CYP2C19: variants seen among roughly 807,000 people sequenced by gnomAD.
CYP2C19 encodes the protein cytochrome P450 2C19.
In CYP2C19, 59 loss-of-function variants were observed where a neutral mutation model predicts 40.9. That is an observed-to-expected ratio of 1.44 (90% CI 1.17 to 1.79). CYP2C19 has a LOEUF of 1.79. CYP2C19 is among the 40% of genes most tolerant of loss of function. The pLI, the probability that CYP2C19 is intolerant of heterozygous loss-of-function variation, is 0.00. For synonymous variants in CYP2C19, 253 were observed against 208.7 expected (o/e 1.21, Z -1.83); for missense variants, 754 against 596.9 (o/e 1.26, Z -2.74).
At position 94,808,437 on chromosome 10, in the gene CYP2C19, C is replaced by T. The variant is rs563034612; in HGVS notation, c.820-12059C>T. On this transcript the variant is annotated intron_variant, in intron 5 of 8. Transcript: ENST00000371321. ...ATTTATCCTTTATGTTACAGACAATCGAATTATACTCTTTAAGTTATTTAA... is the reference window on the plus strand; with the variant it reads ...ATTTATCCTTTATGTTACAGACAATTGAATTATACTCTTTAAGTTATTTAA... Among the ~76,000 whole-genome samples the T allele has an allele frequency of 9.2e-5, 14 of 152,178 alleles. No homozygotes were observed. The South Asian group carries it at 1.2e-3, about 14-fold the overall frequency.
intron 5 of CYP2C19, among the ~76,000 whole-genome samples, chr10:94,785,595 A>G (rs1289790338): frequency 1.3e-5 from 2 of 152,138 alleles, no homozygotes; most frequent in Non-Finnish European, 2.9e-5. Context: ...GAAACTGAGA[A>G]CTCACTGATA....
intron 3 of CYP2C19, chr10:94,775,937 C>A (rs908971214): frequency 4.5e-5 from 11 of 243,798 alleles, no homozygotes; most frequent in African/African-American, 2.3e-4. Context: ...CCCTATCACA[C>A]CCCTAGGGAG....
intron 6 of CYP2C19, among the ~76,000 whole-genome samples, chr10:94,822,390 C>T (rs2134270070): frequency 6.6e-6 from 1 of 152,192 alleles, no homozygotes; most frequent in Middle Eastern, 3.4e-3. Context: ...TTATGGGAGC[C>T]AAAGTCCAAG....
intron 4 of CYP2C19, 106 bp downstream of exon 4, chr10:94,780,765 C>G (rs1848469253): frequency 4.0e-6 from 5 of 1,263,552 alleles, no homozygotes; most frequent in African/African-American, 1.5e-5. Context: ...TTGAATACTA[C>G]AGTCTTGCCT....
intron 5 of CYP2C19, among the ~76,000 whole-genome samples, chr10:94,800,124 C>A (rs1848743784): frequency 6.6e-6 from 1 of 152,198 alleles, no homozygotes; most frequent in Non-Finnish European, 1.5e-5. Context: ...TCTGGTCTCT[C>A]CCCATCTTTG....
At chr10:94,790,796 T>C (rs1223611046) in intron 5 of CYP2C19, among the ~76,000 whole-genome samples, 1 of 152,184 alleles carries the variant, frequency 6.6e-6, no homozygotes, top group South Asian at 2.1e-4. Context: ...GATTTTTGCA[T>C]CGATGTTCAT....
chr10:94,774,225 G>C (rs888702051), intron 1 of CYP2C19: 1 of 152,072 alleles, frequency 6.6e-6, no homozygotes. Context: ...TAGTCCATGG[G>C]TAATTATTAG....
At chr10:94,786,554 AG>A (rs1222838501) in intron 5 of CYP2C19, among the ~76,000 whole-genome samples, 1 of 152,100 alleles carries the variant, frequency 6.6e-6, no homozygotes, top group Non-Finnish European at 1.5e-5. Flanking sequence ...CTTTTATTTT[AG>A]ATTCAGGAAG....
At chr10:94,792,211 C>G (rs1848614269) in intron 5 of CYP2C19, among the ~76,000 whole-genome samples, 1 of 152,080 alleles carries the variant, frequency 6.6e-6, no homozygotes, top group Non-Finnish European at 1.5e-5. Context: ...TTTCCATTTA[C>G]TTGGTAGATC....
rs757668888 is a variant in CYP2C19, at chr10:94,852,876, G to A, written c.1435G>A (p.Val479Ile). 6.2e-7 allele frequency: 1 copy of A among 1,613,960 alleles called. No homozygotes were observed. The highest frequency in any genetic ancestry group is 8.5e-7 in the Non-Finnish European group (1 of 1,179,954). The change falls in exon 9 of 9, where the codon GTC becomes ATC. Residue 479 changes from valine (V) to isoleucine (I), a missense_variant. Coordinates refer to ENST00000371321, the MANE Select transcript of CYP2C19 (RefSeq NM_000769.4). ...TTPVVNGFAS[V>I]PPFYQLCFIP... is the part of the protein sequence containing the mutation. ...TCCTGTTGTCAATGGATTTGCTTCT[G>A]TCCCGCCCTTCTATCAGCTGTGCTT...
intron 1 of CYP2C19, among the ~76,000 whole-genome samples, chr10:94,763,664 A>G (rs1423227585): frequency 2.6e-5 from 4 of 151,742 alleles, no homozygotes; most frequent in Non-Finnish European, 5.9e-5. Context: ...TATGAAGACT[A>G]CTCCTACTAG....
chr10:94,794,619 A>G (rs564765794), intron 5 of CYP2C19, among the ~76,000 whole-genome samples: 23 of 152,080 alleles, frequency 1.5e-4, no homozygotes, highest in African/African-American at 5.3e-4. Flanking sequence ...GGTCCTTCAC[A>G]TCTCTTGTAT....
At chr10:94,822,562 T>A (rs2134270221) in intron 6 of CYP2C19, among the ~76,000 whole-genome samples, 1 of 152,284 alleles carries the variant, frequency 6.6e-6, no homozygotes, top group African/African-American at 2.4e-5. Flanking sequence ...TTTGATAGAA[T>A]GAATTTTTTT....
intron 5 of CYP2C19, among the ~76,000 whole-genome samples, chr10:94,789,104 G>A (rs751323628): frequency 3.3e-5 from 5 of 151,706 alleles, no homozygotes; most frequent in Non-Finnish European, 7.4e-5. Context: ...CAGTGATGAC[G>A]AGCTTTTTTT....
At chr10:94,782,703 A>G (rs1181046790) in intron 5 of CYP2C19, among the ~76,000 whole-genome samples, 1 of 152,188 alleles carries the variant, frequency 6.6e-6, no homozygotes, top group Non-Finnish European at 1.5e-5. Context: ...AAGACTTGGA[A>G]TCAACCCAAA....
At chr10:94,842,776 T>C in intron 6 of CYP2C19, 61 bp from the exon 7 acceptor site, 3 of 1,551,834 alleles carry the variant, frequency 1.9e-6, no homozygotes, top group African/African-American at 1.4e-5. Context: ...TACCCCTGAA[T>C]TGCTAGAACA....
intron 5 of CYP2C19, among the ~76,000 whole-genome samples, chr10:94,797,697 A>G (rs919465893): frequency 1.3e-5 from 2 of 151,948 alleles, no homozygotes; most frequent in South Asian, 2.1e-4. Context: ...AGAGTTTCAA[A>G]TTCTTCCTGG....
At chr10:94,797,316 C>G (rs147574344) in intron 5 of CYP2C19, among the ~76,000 whole-genome samples, 1 of 152,000 alleles carries the variant, frequency 6.6e-6, no homozygotes, top group Non-Finnish European at 1.5e-5. Flanking sequence ...ATATGTTGAA[C>G]CAGCCTTGCA....
At chr10:94,801,200 G>C (rs1055999447) in intron 5 of CYP2C19, among the ~76,000 whole-genome samples, 1 of 152,194 alleles carries the variant, frequency 6.6e-6, no homozygotes. Context: ...GCTGATTTTA[G>C]ATCTTTCATG....
Sources: gnomAD v4.1 joint callset for allele counts (sites outside exome capture counted in the v4.1 genomes callset) on GRCh38, gnomAD v4.1.1 for gene constraint, MANE v1.5 for transcripts, NCBI Gene and HGNC (gene_info 2026-07-23, HGNC 2026-07-21) for gene names.